Variants in MYZAP observed in about 807,000 individuals in gnomAD.
MYZAP encodes myocardial zonula adherens protein, also known as GRINL1A complex locus upstream.
In MYZAP, 66 loss-of-function variants were observed where a neutral mutation model predicts 69.4. The ratio of observed to expected loss-of-function variants is 0.95; its 90% CI spans 0.78 to 1.17. The LOEUF is 1.17. Ranked by LOEUF, MYZAP falls within the 50% of genes most tolerant of loss-of-function variation. MYZAP has a pLI of 0.00. For missense variants in MYZAP, 611 were observed against 556.2 expected, an observed-to-expected ratio of 1.10 and a Z score of -0.99; for synonymous variants, 256 against 205.9, an observed-to-expected ratio of 1.24 and a Z score of -2.09.
chr15:57,653,091 A>C (rs1751626575), intron 10 of MYZAP, among the ~76,000 whole-genome samples: 1 of 152,144 alleles, frequency 6.6e-6, no homozygotes, highest in Non-Finnish European at 1.5e-5. Flanking sequence ...AGGAATAACA[A>C]AGCAGGGGTG....
chr15:57,654,394 T>C (rs1344967294), intron 10 of MYZAP, among the ~76,000 whole-genome samples: 1 of 152,162 alleles, frequency 6.6e-6, no homozygotes, highest in Non-Finnish European at 1.5e-5. Context: ...CACATGACAC[T>C]CCCAGTACAT....
intron 12 of MYZAP, chr15:57,680,931 T>C (rs554912197): frequency 6.6e-6 from 1 of 152,374 alleles, no homozygotes; most frequent in African/African-American, 2.4e-5. Flanking sequence ...TAATAAAAGG[T>C]TAACAATAGC....
Position 57,625,889 on chromosome 15 carries a change from G to T in MYZAP, c.522G>T (p.Leu174=), listed in dbSNP as rs1050243983. The change falls in exon 5 of 13, where the codon CTG becomes CTT. Residue 174 remains leucine, a synonymous_variant. Coordinates refer to ENST00000267853, the MANE Select transcript of MYZAP (RefSeq NM_001018100.5). ...NSALASDSIG[L]QKTLVDVTLE... ...CCTTGGCATCAGATTCCATTGGCCT[G>T]CAGGTACTCATCTGCTTACTGCTAT... The T allele has an allele frequency of 3.1e-6, 5 of 1,614,014 alleles. No individual in the cohort carries two copies. In the East Asian group the frequency reaches 6.7e-5, roughly 22 times the overall value.
intron 11 of MYZAP, among the ~76,000 whole-genome samples, chr15:57,671,807 G>A (rs1165565600): frequency 1.3e-5 from 2 of 151,754 alleles, no homozygotes; most frequent in Non-Finnish European, 2.9e-5. Context: ...ACTGATCATT[G>A]TTATGATGGC....
At chr15:57,602,954 G>A (rs2034510567) in intron 1 of MYZAP, among the ~76,000 whole-genome samples, 1 of 152,122 alleles carries the variant, frequency 6.6e-6, no homozygotes, top group South Asian at 2.1e-4. Flanking sequence ...TCCCTCTGTT[G>A]AGTAGGAAAA....
intron 2 of MYZAP, among the ~76,000 whole-genome samples, chr15:57,611,057 A>G (rs2035075983): frequency 6.6e-6 from 1 of 152,182 alleles, no homozygotes; most frequent in African/African-American, 2.4e-5. Flanking sequence ...TCAAAAATGT[A>G]AAGAAACCAC....
chr15:57,615,695 T>C (rs904504512), intron 2 of MYZAP, among the ~76,000 whole-genome samples: 9 of 152,186 alleles, frequency 5.9e-5, no homozygotes, highest in Non-Finnish European at 1.0e-4. Context: ...GTCCAGTAAA[T>C]TGGGGATAAG....
At chr15:57,658,773 C>G (rs1324555065) in intron 10 of MYZAP, among the ~76,000 whole-genome samples, 3 of 152,080 alleles carry the variant, frequency 2.0e-5, no homozygotes, top group African/African-American at 4.8e-5. Flanking sequence ...GGTGACAACC[C>G]AAAACATGAT....
chr15:57,660,274 C>T (rs141828720), intron 10 of MYZAP, among the ~76,000 whole-genome samples: 103 of 152,236 alleles, frequency 6.8e-4, no homozygotes, highest in South Asian at 3.1e-3. Context: ...CTGCTATATT[C>T]GCTTCCATAG....
intron 1 of MYZAP, among the ~76,000 whole-genome samples, chr15:57,593,212 A>ACACACACACACACACACACACACACACC (rs770540454): frequency 8.0e-6 from 1 of 124,908 alleles, no homozygotes; most frequent in African/African-American, 3.4e-5. Flanking sequence ...ACACACACAC[A>ACACACACACACACACACACACACACACC]CACCCCAGAA....
chr15:57,597,989 C>A (rs1402774631), intron 1 of MYZAP, among the ~76,000 whole-genome samples: 1 of 152,152 alleles, frequency 6.6e-6, no homozygotes, highest in African/African-American at 2.4e-5. Flanking sequence ...GTGGAACAGG[C>A]CTGAGAGAAA....
Position 57,651,358 on chromosome 15 carries a change from T to C in MYZAP, c.1120-10092T>C, listed in dbSNP as rs575596183. On this transcript the variant is annotated intron_variant, in intron 10 of 12. Transcript: ENST00000267853. ...GAGAAAAGCACAGGGGTAAATAAGC[T>C]TCATCCCCATCTCCATTCCATCTGC... 2.0e-5 allele frequency among the ~76,000 whole-genome samples: 3 copies of C among 152,246 alleles called. No individual in the cohort carries two copies. The South Asian group carries it at 6.2e-4, about 32-fold the overall frequency.
chr15:57,613,088 C>T (rs547785370), intron 2 of MYZAP, among the ~76,000 whole-genome samples: 34 of 152,124 alleles, frequency 2.2e-4, no homozygotes, highest in South Asian at 4.2e-4. Context: ...CCTGCCACCA[C>T]GCCTGGCTAA....
At chr15:57,624,763 T>C (rs2036026005) in intron 4 of MYZAP, among the ~76,000 whole-genome samples, 1 of 152,192 alleles carries the variant, frequency 6.6e-6, no homozygotes, top group Non-Finnish European at 1.5e-5. Context: ...CAGATTAAGA[T>C]TGCTAAATTA....
At chr15:57,664,963 C>G (rs1443606575) in intron 11 of MYZAP, among the ~76,000 whole-genome samples, 1 of 152,208 alleles carries the variant, frequency 6.6e-6, no homozygotes, top group Non-Finnish European at 1.5e-5. Context: ...AGAAAAGTAC[C>G]TGGCTCATGG....
chr15:57,679,176 C>CA (rs1175770766), intron 12 of MYZAP, among the ~76,000 whole-genome samples: 67 of 149,450 alleles, frequency 4.5e-4, no homozygotes, highest in South Asian at 4.0e-3. Flanking sequence ...AACTCCGTCT[C>CA]AAAAAAAAAT....
chr15:57,682,002 C>A (rs973766240), intron 12 of MYZAP, among the ~76,000 whole-genome samples: 3 of 152,212 alleles, frequency 2.0e-5, no homozygotes, highest in Admixed American at 2.0e-4. Context: ...GCTTCATATA[C>A]ACATTTTGTC....
intron 3 of MYZAP, 50 bp downstream of exon 3, chr15:57,618,238 T>A (rs190902331): frequency 2.5e-6 from 4 of 1,591,968 alleles, no homozygotes; most frequent in Non-Finnish European, 3.4e-6. Flanking sequence ...TTTTGTAGCA[T>A]GCAAGAGAAT....
intron 11 of MYZAP, among the ~76,000 whole-genome samples, chr15:57,668,375 G>T (rs1470380050): frequency 2.6e-5 from 4 of 152,126 alleles, no homozygotes; most frequent in Non-Finnish European, 5.9e-5. Context: ...TTTCAAAGGG[G>T]TTGTAGTATT....
Sources: gnomAD v4.1 joint callset for allele counts (sites outside exome capture counted in the v4.1 genomes callset) on GRCh38, gnomAD v4.1.1 for gene constraint, MANE v1.5 for transcripts, NCBI Gene and HGNC (gene_info 2026-07-23, HGNC 2026-07-21) for gene names.